Variants in FAM171A1 observed in about 807,000 individuals in gnomAD.
FAM171A1 encodes protein FAM171A1.
FAM171A1 carries 23 observed loss-of-function variants against 74.9 expected under a neutral mutation model. The ratio of observed to expected loss-of-function variants is 0.31; its 90% CI spans 0.22 to 0.44. The LOEUF (loss-of-function observed/expected upper bound fraction) is 0.44, where lower values mean the gene tolerates loss of function less well. FAM171A1 is among the 20% of genes least tolerant of loss of function. The pLI is 1.00. For missense variants in FAM171A1, 1,162 were observed against 1,159.2 expected (o/e 1.00, Z -0.03); for synonymous variants, 527 against 505.7 (o/e 1.04, Z -0.57).
intron 1 of FAM171A1, among the ~76,000 whole-genome samples, chr10:15,332,988 C>T (rs777941841): frequency 1.3e-5 from 2 of 152,192 alleles, no homozygotes; most frequent in Non-Finnish European, 2.9e-5. Flanking sequence ...ACACCAAATA[C>T]CTCCTATAGT....
At chr10:15,282,471 T>C (rs993043681) in intron 2 of FAM171A1, among the ~76,000 whole-genome samples, 1 of 152,208 alleles carries the variant, frequency 6.6e-6, no homozygotes, top group African/African-American at 2.4e-5. Context: ...ATGAAAATGT[T>C]GTGACCAGAG....
At chr10:15,349,368 G>C (rs770117299) in intron 1 of FAM171A1, among the ~76,000 whole-genome samples, 2 of 152,202 alleles carry the variant, frequency 1.3e-5, no homozygotes, top group Non-Finnish European at 2.9e-5. Context: ...CATGTAACTC[G>C]AGTAGGAGGG....
chr10:15,298,364 C>T (rs970910053), intron 1 of FAM171A1, among the ~76,000 whole-genome samples: 3 of 151,986 alleles, frequency 2.0e-5, no homozygotes, highest in African/African-American at 7.3e-5. Context: ...AAACTCCTGA[C>T]CTCAGGTGAT....
At chr10:15,327,127 A>G (rs1463043831) in intron 1 of FAM171A1, among the ~76,000 whole-genome samples, 2 of 152,168 alleles carry the variant, frequency 1.3e-5, no homozygotes, top group Non-Finnish European at 2.9e-5. Context: ...CCTAGGAGGC[A>G]TGATAGTATG....
intron 1 of FAM171A1, among the ~76,000 whole-genome samples, chr10:15,299,342 C>A (rs1588540548): frequency 6.6e-6 from 1 of 152,210 alleles, no homozygotes; most frequent in Non-Finnish European, 1.5e-5. Flanking sequence ...AATGTACACA[C>A]CTTTGCCAGC....
rs147232516 is a variant in FAM171A1, at chr10:15,228,412, G to C, written c.755-7352C>G. ...GGCTGGAGTGCAGTGTTGCTATCTT[G>C]GCTCACTGCAACCTCTGGTTCCTGG... is the stretch of plus-strand genomic sequence containing the variant. On this transcript the variant is annotated intron_variant, in intron 5 of 7. Transcript: ENST00000378116. Among the ~76,000 whole-genome samples the C allele has an allele frequency of 4.4e-3, 636 of 143,714 alleles. 3 individuals carry two copies. Among genetic ancestry groups the C allele is most frequent in the African/African-American group, 0.016 (593 of 38,206 alleles). 94.3% of individuals were successfully genotyped at this position (143,714 alleles called of 152,430 possible).
At chr10:15,241,248 C>T (rs938791636) in intron 5 of FAM171A1, 16 of 152,200 alleles carry the variant, frequency 1.1e-4, no homozygotes, top group African/African-American at 3.1e-4. Flanking sequence ...GAAATATGGA[C>T]ATTGGGGCTG....
At chr10:15,248,486 G>A (rs891139621) in intron 5 of FAM171A1, among the ~76,000 whole-genome samples, 153 bp downstream of exon 5, 2 of 152,174 alleles carry the variant, frequency 1.3e-5, no homozygotes, top group Admixed American at 1.3e-4. Flanking sequence ...CACGGGGAAG[G>A]GTGCCGTCCC....
intron 5 of FAM171A1, among the ~76,000 whole-genome samples, chr10:15,228,378 T>C (rs1834137148): frequency 6.6e-6 from 1 of 151,284 alleles, no homozygotes; most frequent in South Asian, 2.1e-4. Flanking sequence ...GGTCTTGCTT[T>C]GTCATTCAGG....
intron 3 of FAM171A1, among the ~76,000 whole-genome samples, chr10:15,268,402 C>T (rs531784010): frequency 4.6e-5 from 7 of 152,230 alleles, no homozygotes; most frequent in Middle Eastern, 3.4e-3. Flanking sequence ...CCAACCTCAT[C>T]AAAAGAATGA....
chr10:15,328,068 T>A (rs1471299817), intron 1 of FAM171A1, among the ~76,000 whole-genome samples: 3 of 145,690 alleles, frequency 2.1e-5, no homozygotes, highest in African/African-American at 7.6e-5. Flanking sequence ...CCAGGTACTT[T>A]TGCAGCCTTC....
chr10:15,311,638 CCCGCCCCACAGCCCCCTAGTAAG>C (rs1162517832), intron 1 of FAM171A1, among the ~76,000 whole-genome samples: 98 of 152,198 alleles, frequency 6.4e-4, no homozygotes, highest in Non-Finnish European at 4.6e-4. Context: ...CTGGTTTCTT[CCCGCCCCACAGCCCCCTAGTAAG>C]CCGCCCCACC....
At chr10:15,316,475 G>A (rs1835423429) in intron 1 of FAM171A1, among the ~76,000 whole-genome samples, 1 of 152,220 alleles carries the variant, frequency 6.6e-6, no homozygotes, top group South Asian at 2.1e-4. Flanking sequence ...TCCTCGGGGT[G>A]AGTCCATGTG....
chr10:15,340,241 T>C (rs766494572), intron 1 of FAM171A1, among the ~76,000 whole-genome samples: 2 of 152,154 alleles, frequency 1.3e-5, no homozygotes, highest in Non-Finnish European at 2.9e-5. Context: ...CTCATGGCTA[T>C]CCACAGTTAA....
intron 1 of FAM171A1, among the ~76,000 whole-genome samples, chr10:15,366,619 C>T (rs1836065524): frequency 6.6e-6 from 1 of 152,134 alleles, no homozygotes; most frequent in Non-Finnish European, 1.5e-5. Context: ...TTCCACTAAA[C>T]ATGTTTCACA....
At chr10:15,256,512 A>G (rs1834582386) in intron 3 of FAM171A1, among the ~76,000 whole-genome samples, 1 of 152,260 alleles carries the variant, frequency 6.6e-6, no homozygotes, top group Middle Eastern at 3.4e-3. Flanking sequence ...CAGGTGCCCA[A>G]AATCATGAGA....
chr10:15,265,601 A>G (rs1218507326), intron 3 of FAM171A1, among the ~76,000 whole-genome samples: 1 of 149,528 alleles, frequency 6.7e-6, no homozygotes, highest in East Asian at 1.9e-4. Flanking sequence ...AAAAAAAAAA[A>G]AAAGACCATG....
chr10:15,351,871 G>A (rs906380225), intron 1 of FAM171A1, among the ~76,000 whole-genome samples: 3 of 151,830 alleles, frequency 2.0e-5, no homozygotes, highest in Admixed American at 6.6e-5. Flanking sequence ...TGAACAACAC[G>A]GCAAAACTTC....
At chr10:15,331,845 G>GTA (rs1835637666) in intron 1 of FAM171A1, among the ~76,000 whole-genome samples, 1 of 55,344 alleles carries the variant, frequency 1.8e-5, no homozygotes, top group African/African-American at 6.1e-5. Flanking sequence ...ATATATGTGT[G>GTA]TATATATATG....
Sources: gnomAD v4.1 joint callset for allele counts (sites outside exome capture counted in the v4.1 genomes callset) on GRCh38, gnomAD v4.1.1 for gene constraint, MANE v1.5 for transcripts, NCBI Gene and HGNC (gene_info 2026-07-23, HGNC 2026-07-21) for gene names.